CDK5RAP2: variants seen among roughly 807,000 people sequenced by gnomAD.
The protein encoded by CDK5RAP2 is CDK5 regulatory subunit associated protein 2, also known as CDK5 regulatory subunit-associated protein 2.
Under a neutral mutation model 232.9 loss-of-function variants are expected in CDK5RAP2, and 147 were observed. The ratio of observed to expected loss-of-function variants is 0.63; its 90% CI spans 0.55 to 0.72. CDK5RAP2 has a LOEUF of 0.72. CDK5RAP2 is among the 30% of genes least tolerant of loss of function. The pLI is 0.00. For missense variants in CDK5RAP2, 2,195 were observed against 2,231.5 expected (o/e 0.98, Z 0.33); for synonymous variants, 833 against 833.7 (o/e 1.00, Z 0.01).
intron 14 of CDK5RAP2, among the ~76,000 whole-genome samples, chr9:120,481,867 G>A (rs1021056289): frequency 1.3e-5 from 2 of 152,180 alleles, no homozygotes; most frequent in South Asian, 2.1e-4. Context: ...ATATGTCCTG[G>A]AGCGTTAAAG....
chr9:120,502,104 C>T (rs2039602002), intron 12 of CDK5RAP2, among the ~76,000 whole-genome samples: 1 of 152,174 alleles, frequency 6.6e-6, no homozygotes, highest in Non-Finnish European at 1.5e-5. Context: ...ATCTCTTTTG[C>T]ATGACTCACT....
At chr9:120,477,534 T>A in intron 14 of CDK5RAP2, 84 bp from the exon 15 acceptor site, 1 of 1,079,314 alleles carries the variant, frequency 9.3e-7, no homozygotes, top group Non-Finnish European at 1.4e-6. Flanking sequence ...ATGTAGCTAG[T>A]CCCAGTTTTT....
intron 19 of CDK5RAP2, 78 bp downstream of exon 19, chr9:120,460,494 G>A: frequency 7.5e-7 from 1 of 1,328,830 alleles, no homozygotes; most frequent in Admixed American, 1.8e-5. Flanking sequence ...AAACCCACTG[G>A]ACTCATTCCA....
chr9:120,419,269 C>G (rs1392389180), intron 27 of CDK5RAP2, among the ~76,000 whole-genome samples: 1 of 152,188 alleles, frequency 6.6e-6, no homozygotes, highest in Non-Finnish European at 1.5e-5. Flanking sequence ...CATTCTATGG[C>G]GTTCTGTTAC....
chr9:120,389,334 G>A, intron 37 of CDK5RAP2, 42 bp from the exon 38 acceptor site: 2 of 1,554,808 alleles, frequency 1.3e-6, no homozygotes, highest in Non-Finnish European at 1.8e-6. Context: ...TAAGTCCAAA[G>A]GAGGTTTCTG....
chr9:120,553,478 TG>T (rs1239138978), intron 3 of CDK5RAP2, among the ~76,000 whole-genome samples: 1 of 152,202 alleles, frequency 6.6e-6, no homozygotes, highest in Non-Finnish European at 1.5e-5. Context: ...TCTGCCTTTG[TG>T]GGAAAAAAAA....
intron 3 of CDK5RAP2, among the ~76,000 whole-genome samples, chr9:120,563,669 A>T (rs2042541507): frequency 6.6e-6 from 1 of 152,218 alleles, no homozygotes; most frequent in Admixed American, 6.5e-5. Flanking sequence ...GCCAAGCCTG[A>T]AACCCAGTCC....
At chr9:120,490,280 TCAG>T (rs1456413639) in intron 13 of CDK5RAP2, among the ~76,000 whole-genome samples, 2 of 152,194 alleles carry the variant, frequency 1.3e-5, no homozygotes, top group African/African-American at 4.8e-5. Flanking sequence ...CCCCCAATTG[TCAG>T]CATTTTTCAG....
intron 5 of CDK5RAP2, among the ~76,000 whole-genome samples, chr9:120,545,395 G>C (rs1311115392): frequency 6.6e-6 from 1 of 152,198 alleles, no homozygotes; most frequent in Non-Finnish European, 1.5e-5. Flanking sequence ...TATCTTTAGG[G>C]GAGAAAGGTG....
chr9:120,397,544 TAAAAAAAAAAAAAA>T (rs760469422), intron 35 of CDK5RAP2, among the ~76,000 whole-genome samples: 1 of 49,196 alleles, frequency 2.0e-5, no homozygotes, highest in Non-Finnish European at 3.7e-5. Flanking sequence ...AAAACATTCT[TAAAAAAAAAAAAAA>T]AAAAAAAGAA....
In CDK5RAP2 at chr9:120,530,130, C is replaced by A. The variant is rs1340699253; in HGVS notation, c.673G>T (p.Glu225Ter). ...VLDEKDRLIE[E>*]LKLSLKSKEA... ...TTGCTCTTCAAAGACAGCTTCAACT[C>A]CTCAATCAGTCTAAAAGAGAACAAA... Residue 225 changes from glutamate (E) to a stop codon, truncating the protein, a stop_gained, in exon 8 of 38, where the codon GAG (glutamate) becomes TAG (stop). Coordinates refer to ENST00000349780, the MANE Select transcript of CDK5RAP2 (RefSeq NM_018249.6). LOFTEE classifies it high-confidence loss of function. The A allele has an allele frequency of 1.2e-6, 2 of 1,612,920 alleles. No homozygotes were observed. The highest frequency in any genetic ancestry group is 1.7e-6 in the Non-Finnish European group (2 of 1,179,406).
intron 17 of CDK5RAP2, among the ~76,000 whole-genome samples, chr9:120,468,616 G>A (rs1413265481): frequency 3.3e-5 from 5 of 152,224 alleles, no homozygotes; most frequent in African/African-American, 9.6e-5. Flanking sequence ...ATTTTACAAT[G>A]AGGACATGAA....
At position 120,392,105 on chromosome 9, in the gene CDK5RAP2, G is replaced by T. The variant is rs1201890584; in HGVS notation, c.5579-2318C>A. On this transcript the variant is annotated intron_variant, in intron 36 of 37. Coordinates refer to ENST00000349780, the MANE Select transcript of CDK5RAP2 (RefSeq NM_018249.6). ...TTGCCACCTCCATGCATAGGATTTG[G>T]TCTGGCCTAATGGAAAGAAAGAGGA... Among the ~76,000 whole-genome samples the T allele has an allele frequency of 2.0e-5, 3 of 152,246 alleles. No individual in the cohort carries two copies. In the East Asian group the frequency reaches 5.8e-4, roughly 29 times the overall value.
At chr9:120,547,271 T>G (rs1588626305) in intron 4 of CDK5RAP2, among the ~76,000 whole-genome samples, 1 of 151,750 alleles carries the variant, frequency 6.6e-6, no homozygotes, top group Admixed American at 6.6e-5. Context: ...ATTACAGGCG[T>G]GAGCCACCGC....
chr9:120,502,602 G>A (rs2039626295), intron 12 of CDK5RAP2, among the ~76,000 whole-genome samples: 2 of 152,194 alleles, frequency 1.3e-5, no homozygotes, highest in Admixed American at 1.3e-4. Flanking sequence ...TAACAGAGTT[G>A]ACAACGTGAA....
At chr9:120,440,352 G>A (rs761002191) in intron 23 of CDK5RAP2, 13 of 291,420 alleles carry the variant, frequency 4.5e-5, no homozygotes, top group Non-Finnish European at 1.3e-5. Flanking sequence ...GCACCACTCT[G>A]GAGATTTCCT....
At chr9:120,472,252 TC>T (rs1256227923) in intron 15 of CDK5RAP2, among the ~76,000 whole-genome samples, 8 of 152,232 alleles carry the variant, frequency 5.3e-5, no homozygotes, top group Non-Finnish European at 1.2e-4. Context: ...CAGGTGAATG[TC>T]CCACCACTTA....
intron 18 of CDK5RAP2, among the ~76,000 whole-genome samples, chr9:120,460,958 C>T (rs1048743202): frequency 1.3e-5 from 2 of 152,096 alleles, no homozygotes; most frequent in African/African-American, 2.4e-5. Flanking sequence ...CCTGAGCTGC[C>T]GTAAATTAAA....
At chr9:120,426,331 T>A (rs2034900144) in intron 25 of CDK5RAP2, among the ~76,000 whole-genome samples, 1 of 152,198 alleles carries the variant, frequency 6.6e-6, no homozygotes, top group African/African-American at 2.4e-5. Context: ...CAGCTTGGTT[T>A]TATATGTTTT....
Sources: allele counts gnomAD v4.1 joint callset (sites outside exome capture counted in the v4.1 genomes callset), GRCh38; gene constraint gnomAD v4.1.1; transcripts MANE v1.5; gene names NCBI Gene and HGNC (gene_info 2026-07-23, HGNC 2026-07-21).